EPN3: variants seen among roughly 807,000 people sequenced by gnomAD.
EPN3 encodes epsin-3.
Under a neutral mutation model 55.5 loss-of-function variants are expected in EPN3, and 56 were observed. The ratio of observed to expected loss-of-function variants is 1.01; its 90% confidence interval spans 0.81 to 1.26. The LOEUF is 1.26. EPN3 is among the 50% of genes most tolerant of loss of function. The probability of loss-of-function intolerance (pLI) is 0.00; values close to 1 mark genes in which losing one functional copy is unlikely to be tolerated. For synonymous variants in EPN3, 449 were observed against 375.2 expected (o/e 1.20, Z -2.27); for missense variants, 927 against 853.4 (o/e 1.09, Z -1.07).
chr17:50,539,121 G>T, intron 4 of EPN3, 66 bp from the exon 5 acceptor site: 1 of 1,601,092 alleles, frequency 6.2e-7, no homozygotes, highest in Non-Finnish European at 8.5e-7. Flanking sequence ...CCAGCCTCTG[G>T]TGCACAGGTC....
At chr17:50,535,194 C>A (rs1360776228) in intron 1 of EPN3, among the ~76,000 whole-genome samples, 1 of 152,200 alleles carries the variant, frequency 6.6e-6, no homozygotes, top group Admixed American at 6.5e-5. Flanking sequence ...CTTTGGAGAA[C>A]CCAGACTGTT....
At position 50,541,284 on chromosome 17, in the gene EPN3, G is replaced by A; in HGVS notation, c.1305G>A (p.Lys435=). The change falls in exon 8 of 10, where the codon AAG becomes AAA. Residue 435 remains lysine (K), a synonymous_variant. Coordinates refer to ENST00000268933, the MANE Select transcript of EPN3 (RefSeq NM_017957.3). ...FAKPPESTET[K]EGLEQALPSG... The stretch of plus-strand genomic sequence containing the variant: ...AACCTCCAGAATCCACAGAGACCAA[G>A]GAGGGGCTGGAGCAGGCCCTGCCCT... 1 of 1,613,428 alleles carries A rather than the reference G, an allele frequency of 6.2e-7. No homozygotes were observed.
chr17:50,535,405 T>A (rs1021595102), intron 1 of EPN3, among the ~76,000 whole-genome samples: 3 of 152,206 alleles, frequency 2.0e-5, no homozygotes, highest in African/African-American at 7.2e-5. Context: ...GCCTCAACAC[T>A]TCCATGTGTA....
At chr17:50,536,159 T>G in intron 1 of EPN3, 1 of 236,940 alleles carries the variant, frequency 4.2e-6, no homozygotes. Context: ...ACCGGGCCCA[T>G]TTAATACTCT....
intron 1 of EPN3, among the ~76,000 whole-genome samples, chr17:50,533,887 T>A (rs917589200): frequency 1.2e-4 from 18 of 152,324 alleles, no homozygotes; most frequent in African/African-American, 4.3e-4. Flanking sequence ...TCAAGGTCAC[T>A]GCAGTAATTC....
Position 50,542,087 on chromosome 17 carries a change from T to C in EPN3, c.1829T>C (p.Leu610Pro), listed in dbSNP as rs1313726976. 1.3e-6 allele frequency: 2 copies of C among 1,573,822 alleles called. No homozygotes were observed. The highest frequency in any genetic ancestry group is 1.7e-6 in the Non-Finnish European group (2 of 1,170,076). Residue 610 changes from leucine to proline, a missense_variant, in exon 10 of 10, where the codon CTG (leucine) becomes CCG (proline). Leu to Pro is a moderately conservative substitution (Grantham distance 98, BLOSUM62 -3). Coordinates refer to ENST00000268933, the MANE Select transcript of EPN3 (RefSeq NM_017957.3). ...GCCGGAGCCTTCGCACCGCAGCCGC[T>C]GCTGCCCACGCCGAGCTCAGCCGGG... The part of the protein sequence containing the change: ...PQAGAFAPQP[L>P]LPTPSSAGPR...
At position 50,541,483 on chromosome 17, in the gene EPN3, C is replaced by A. The variant is rs1241344332; in HGVS notation, c.1374C>A (p.Asp458Glu). The change falls in exon 9 of 10, where the codon GAC (aspartate) becomes GAA (glutamate). Residue 458 changes from aspartate to glutamate, a missense_variant. Asp to Glu is a conservative substitution (Grantham distance 45). Coordinates refer to ENST00000268933, the MANE Select transcript of EPN3 (RefSeq NM_017957.3). ...SSPVELDLFG[D>E]PSPSSKQNGT... ...TTCCAGAGCTGGACCTGTTTGGAGACCCCAGCCCCAGTTCCAAGCAAAATG... is the reference window on the plus strand; with the variant it reads ...TTCCAGAGCTGGACCTGTTTGGAGAACCCAGCCCCAGTTCCAAGCAAAATG... 6.2e-7 allele frequency: 1 copy of A among 1,613,952 alleles called. No individual in the cohort carries two copies. The highest frequency in any genetic ancestry group is 1.3e-5 in the African/African-American group (1 of 74,920).
intron 1 of EPN3, 129 bp from the exon 2 acceptor site, chr17:50,536,289 TAAG>T: frequency 1.6e-6 from 1 of 610,914 alleles, no homozygotes; most frequent in Non-Finnish European, 2.6e-6. Context: ...GTAAGTGAAA[TAAG>T]AACGTGTGCC....
Position 50,542,121 on chromosome 17 carries a change from C to T in EPN3, c.1863C>T (p.Pro621=), listed in dbSNP as rs1303285424. The T allele has an allele frequency of 6.6e-7, 1 of 1,524,656 alleles. No homozygotes were observed. The highest frequency in any genetic ancestry group is 8.7e-7 in the Non-Finnish European group (1 of 1,144,884). The allele number at this position is 1,524,656 out of a possible 1,614,324, so 94.4% of individuals were successfully genotyped here. A position where few individuals can be genotyped will look rare whatever the true frequency, so the allele number is the denominator to read the frequency against. ...CGCCGAGCTCAGCCGGGCCGCGGCC[C>T]CCGCCCCCGCAGACCGGCACCAACC... is the stretch of plus-strand genomic sequence containing the variant. The part of the protein sequence containing the change: ...LPTPSSAGPR[P]PPPQTGTNPF... The change falls in exon 10 of 10, where the codon CCC becomes CCT. Residue 621 remains proline (P), a synonymous_variant. Transcript: ENST00000268933.
Position 50,536,519 on chromosome 17 carries a change from G to A in EPN3, c.-38G>A, listed in dbSNP as rs367933334. ...CAGTGGCCCTCAGCCCTCCACCTCC[G>A]GCGGGGGCGAGGGCCACCCACCTCC... On this transcript the variant is annotated 5_prime_UTR_variant, in exon 2 of 10. Transcript: ENST00000268933. The A allele has an allele frequency of 3.8e-5, 62 of 1,611,580 alleles. No individual in the cohort carries two copies. Among genetic ancestry groups the A allele is most frequent in the Non-Finnish European group, 4.7e-5 (55 of 1,179,966 alleles).
Position 50,538,920 on chromosome 17 carries a change from C to A in EPN3, c.718C>A (p.Gln240Lys). ...AGCCTCCCACAGGGACGAGGACCTG[C>A]AGCTGCAGCTGGCTCTGCGCCTGAG... is the stretch of plus-strand genomic sequence containing the variant. ...PPASHRDEDL[Q>K]LQLALRLSRQ... Residue 240 changes from glutamine to lysine, a missense_variant, in exon 4 of 10, where the codon CAG becomes AAG. Coordinates refer to ENST00000268933, the MANE Select transcript of EPN3 (RefSeq NM_017957.3). The A allele has an allele frequency of 6.2e-7, 1 of 1,608,462 alleles. No individual in the cohort carries two copies. The highest frequency in any genetic ancestry group is 8.5e-7 in the Non-Finnish European group (1 of 1,176,408).
At chr17:50,536,191 T>G in intron 1 of EPN3, 1 of 259,638 alleles carries the variant, frequency 3.9e-6, no homozygotes, top group South Asian at 5.3e-5. Context: ...TTCCCATCTG[T>G]GGATGGAGGT....
chr17:50,532,935 C>T lies in EPN3; in HGVS notation c.-187C>T. 2 of 1,286,230 alleles carry T rather than the reference C, an allele frequency of 1.6e-6. No homozygotes were observed. Among genetic ancestry groups the T allele is most frequent in the Non-Finnish European group, 2.0e-6 (2 of 987,664 alleles). 79.7% of individuals were successfully genotyped at this position (1,286,230 alleles called of 1,614,324 possible). On this transcript the variant is annotated 5_prime_UTR_variant, in exon 1 of 10. Coordinates refer to ENST00000268933, the MANE Select transcript of EPN3 (RefSeq NM_017957.3). ...CGCTGCTGCACAGGTCGGAGGGTCA[C>T]CGCAGAGGCTACTCGGGCTGGGGCT...
At chr17:50,534,916 G>C (rs2034737076) in intron 1 of EPN3, among the ~76,000 whole-genome samples, 1 of 144,968 alleles carries the variant, frequency 6.9e-6, no homozygotes, top group South Asian at 2.1e-4. Context: ...GGTGTTTGGT[G>C]GGTGGGGGAC....
At chr17:50,540,225 C>G (rs138823901) in intron 5 of EPN3, 22 bp from the exon 6 acceptor site, 2 of 1,606,748 alleles carry the variant, frequency 1.2e-6, no homozygotes, top group South Asian at 2.2e-5. Context: ...TTCTGAGCCG[C>G]GGCTGCCTCT....
Position 50,541,475 on chromosome 17 carries a change from T to A in EPN3, c.1366T>A (p.Phe456Ile), listed in dbSNP as rs1197569299. The change falls in exon 9 of 10, where the codon TTT becomes ATT. Residue 456 changes from phenylalanine (F) to isoleucine (I), a missense_variant. Coordinates refer to ENST00000268933, the MANE Select transcript of EPN3 (RefSeq NM_017957.3). ...CATTTCTATTCCAGAGCTGGACCTG[T>A]TTGGAGACCCCAGCCCCAGTTCCAA... is the stretch of plus-strand genomic sequence containing the variant. ...KPSSPVELDLFGDPSPSSKQN... is the reference protein window; with the variant it reads ...KPSSPVELDLIGDPSPSSKQN... 9 of 1,613,914 alleles carry A rather than the reference T, an allele frequency of 5.6e-6. No individual in the cohort carries two copies. Among genetic ancestry groups the A allele is most frequent in the Non-Finnish European group, 7.6e-6 (9 of 1,179,984 alleles).
In EPN3 at chr17:50,542,087, T is replaced by G. The variant is rs1313726976; in HGVS notation, c.1829T>G (p.Leu610Arg). Residue 610 changes from leucine to arginine, a missense_variant, in exon 10 of 10, where the codon CTG becomes CGG. Physicochemically the swap from Leu to Arg is moderately radical, Grantham distance 102. Coordinates refer to ENST00000268933, the MANE Select transcript of EPN3 (RefSeq NM_017957.3). ...GCCGGAGCCTTCGCACCGCAGCCGC[T>G]GCTGCCCACGCCGAGCTCAGCCGGG... is the stretch of plus-strand genomic sequence containing the variant. ...PQAGAFAPQPLLPTPSSAGPR... is the reference protein window; with the variant it reads ...PQAGAFAPQPRLPTPSSAGPR... 4.4e-6 allele frequency: 7 copies of G among 1,573,824 alleles called. No homozygotes were observed. Among genetic ancestry groups the G allele is most frequent in the African/African-American group, 1.4e-5 (1 of 72,222 alleles).
chr17:50,540,889 A>C lies in EPN3; in HGVS notation c.1076A>C (p.Gln359Pro). The C allele has an allele frequency of 6.2e-7, 1 of 1,614,174 alleles. No homozygotes were observed. The highest frequency in any genetic ancestry group is 1.1e-5 in the South Asian group (1 of 91,080). Residue 359 changes from glutamine to proline, a missense_variant, in exon 7 of 10, where the codon CAG (glutamine) becomes CCG (proline). Gln to Pro is a moderately conservative substitution (Grantham distance 76). Transcript: ENST00000268933. Reference sequence around the variant, plus strand: ...TCAGGAACCGTCCTGTCCCGAAGCCAGCCCTGGGATCTGACTCCCATGCTC... The same window carrying C: ...TCAGGAACCGTCCTGTCCCGAAGCCCGCCCTGGGATCTGACTCCCATGCTC... ...IPSGTVLSRS[Q>P]PWDLTPMLSS...
At chr17:50,537,317 A>G (rs150615901) in intron 2 of EPN3, 199 bp downstream of exon 2, 2 of 607,728 alleles carry the variant, frequency 3.3e-6, no homozygotes, top group African/African-American at 3.7e-5. Flanking sequence ...TAACGTTGTT[A>G]TAGATTCATT....
Sources: gnomAD v4.1 joint callset for allele counts (sites outside exome capture counted in the v4.1 genomes callset) on GRCh38, gnomAD v4.1.1 for gene constraint, MANE v1.5 for transcripts, NCBI Gene and HGNC (gene_info 2026-07-23, HGNC 2026-07-21) for gene names.